Variants in TEX2 observed in about 807,000 individuals in gnomAD.
The protein encoded by TEX2 is testis-expressed protein 2.
A neutral mutation model predicts 106.9 loss-of-function variants in TEX2; 53 were observed. The observed-to-expected ratio is 0.50, with a 90% CI of 0.40 to 0.62. The LOEUF is 0.62. Ranked by LOEUF, TEX2 falls within the 20% of genes least tolerant of loss-of-function variation. The pLI is 0.00. For missense variants in TEX2, 1,207 were observed against 1,379.0 expected (o/e 0.88, Z 1.98); for synonymous variants, 523 against 534.8 (o/e 0.98, Z 0.30).
chr17:64,179,404 C>T (rs573441653), intron 5 of TEX2, among the ~76,000 whole-genome samples: 4 of 152,314 alleles, frequency 2.6e-5, no homozygotes, highest in African/African-American at 9.6e-5. Context: ...GGAATAAAAG[C>T]TGGCCACCCT....
rs528164802 is a variant in TEX2, at chr17:64,153,363, CT to C, written c.2931-210del. Among the ~76,000 whole-genome samples, 206 of 136,090 alleles carry C rather than the reference CT, an allele frequency of 1.5e-3. No individual in the cohort carries two copies. The highest frequency in any genetic ancestry group is 5.4e-3 in the African/African-American group (198 of 36,980). 89.3% of individuals were successfully genotyped at this position (136,090 alleles called of 152,430 possible). Reference sequence around the variant, plus strand: ...CTACCAGATGCCAATAGCACTCCCCCTAGTTATGACAATAAAAAATGTTGCC... The same window carrying C: ...CTACCAGATGCCAATAGCACTCCCCCAGTTATGACAATAAAAAATGTTGCC... On this transcript the variant is annotated intron_variant, in intron 9 of 11. Coordinates refer to ENST00000584379, the MANE Select transcript of TEX2 (RefSeq NM_001288732.2). The surrounding 1 kb of genome is among the most constrained non-coding windows in gnomAD (Gnocchi z 4.1).
At chr17:64,184,993 G>A (rs184588861) in intron 5 of TEX2, among the ~76,000 whole-genome samples, 1 of 152,098 alleles carries the variant, frequency 6.6e-6, no homozygotes, top group South Asian at 2.1e-4. Context: ...TACTTTGTGG[G>A]GGTAGCAAGG....
chr17:64,175,067 C>T (rs1162228454), intron 6 of TEX2, among the ~76,000 whole-genome samples: 1 of 152,198 alleles, frequency 6.6e-6, no homozygotes, highest in East Asian at 1.9e-4. Context: ...CCCATTTTGG[C>T]TCTTGACTGG....
chr17:64,228,901 C>T (rs993719295), intron 1 of TEX2, among the ~76,000 whole-genome samples: 1 of 150,694 alleles, frequency 6.6e-6, no homozygotes, highest in African/African-American at 2.4e-5. Context: ...GGACCACCTC[C>T]TATGGCCTAT....
At chr17:64,166,879 T>C (rs772050847) in intron 7 of TEX2, among the ~76,000 whole-genome samples, 11 of 151,938 alleles carry the variant, frequency 7.2e-5, no homozygotes, top group Non-Finnish European at 1.3e-4. Context: ...GAGGGCTGGG[T>C]AGAGGAGGCC....
chr17:64,211,408 A>G (rs1555631532), intron 2 of TEX2, among the ~76,000 whole-genome samples: 1 of 152,166 alleles, frequency 6.6e-6, no homozygotes, highest in Non-Finnish European at 1.5e-5. Flanking sequence ...TGGTCTCTAA[A>G]CTTTTCTGGC....
chr17:64,213,443 C>A lies in TEX2; in HGVS notation c.775G>T (p.Asp259Tyr). 1 of 1,614,186 alleles carries A rather than the reference C, an allele frequency of 6.2e-7. No individual in the cohort carries two copies. The highest frequency in any genetic ancestry group is 8.5e-7 in the Non-Finnish European group (1 of 1,180,046). ...QFTQPRNTGG[D>Y]SKTAPSSPLT... ...GGGGAAGAAGGTGCAGTTTTGGAAT[C>A]TCCACCTGTGTTTCGGGGCTGTGTG... The change falls in exon 2 of 12, where the codon GAT becomes TAT. Residue 259 changes from aspartate to tyrosine, a missense_variant. Asp to Tyr is a radical substitution (Grantham distance 160). Transcript: ENST00000584379. The surrounding 1 kb of genome is among the most constrained non-coding windows in gnomAD (Gnocchi z 4.4).
rs782172907 is a variant in TEX2, at chr17:64,212,835, C to G, written c.1383G>C (p.Glu461Asp). Residue 461 changes from glutamate to aspartate, a missense_variant, in exon 2 of 12, where the codon GAG becomes GAC. Glu to Asp is a conservative substitution (Grantham distance 45). Transcript: ENST00000584379. ...EDGVVLDSEDEVDSAVQHPEL... is the reference protein window; with the variant it reads ...EDGVVLDSEDDVDSAVQHPEL... ...CCGGGTGCTGCACGGCCGAGTCCAC[C>G]TCGTCCTCACTGTCAAGGACCACAC... The G allele has an allele frequency of 2.4e-5, 39 of 1,613,966 alleles. No homozygotes were observed. Among genetic ancestry groups the G allele is most frequent in the Non-Finnish European group, 3.1e-5 (37 of 1,180,048 alleles).
chr17:64,180,283 C>T (rs2031802046), intron 5 of TEX2, among the ~76,000 whole-genome samples: 1 of 152,210 alleles, frequency 6.6e-6, no homozygotes, highest in Non-Finnish European at 1.5e-5. Flanking sequence ...TTCTTTACAA[C>T]CCTAGTTACT....
intron 2 of TEX2, among the ~76,000 whole-genome samples, chr17:64,210,633 G>GTTTTTTTTTTTTTT (rs1598182744): frequency 4.5e-5 from 3 of 66,330 alleles, no homozygotes; most frequent in Admixed American, 2.0e-4. Flanking sequence ...CCAACCCCCA[G>GTTTTTTTTTTTTTT]CTTTTTTTTT....
At chr17:64,158,950 T>C (rs1198178852) in intron 8 of TEX2, among the ~76,000 whole-genome samples, 2 of 152,184 alleles carry the variant, frequency 1.3e-5, no homozygotes, top group African/African-American at 4.8e-5. Context: ...CAGACTGTTC[T>C]AGAAAAAAAT....
intron 7 of TEX2, among the ~76,000 whole-genome samples, chr17:64,170,140 AC>A (rs1489470255): frequency 7.2e-5 from 11 of 152,032 alleles, no homozygotes; most frequent in Admixed American, 7.2e-4. Context: ...CAACTCTTTA[AC>A]CCCCCACCCA....
In TEX2 at chr17:64,188,367, G is replaced by A. The variant is rs780677398; in HGVS notation, c.2225C>T (p.Thr742Ile). 4.3e-6 allele frequency: 7 copies of A among 1,614,084 alleles called. No individual in the cohort carries two copies. Among genetic ancestry groups the A allele is most frequent in the Non-Finnish European group, 5.9e-6 (7 of 1,180,048 alleles). ...GCCTTTGCTGCTGCTGCGGCTGTGGGTCAGGTGCCCGGACGGACTGTTGTG... is the reference window on the plus strand; with the variant it reads ...GCCTTTGCTGCTGCTGCGGCTGTGGATCAGGTGCCCGGACGGACTGTTGTG... The part of the protein sequence containing the change: ...SRHNSPSGHL[T>I]HSRSSSKGSV... The change falls in exon 5 of 12, where the codon ACC becomes ATC. Residue 742 changes from threonine to isoleucine, a missense_variant. Thr to Ile is a moderately conservative substitution (Grantham distance 89, BLOSUM62 -1). Coordinates refer to ENST00000584379, the MANE Select transcript of TEX2 (RefSeq NM_001288732.2).
rs2032035510 is a variant in TEX2 at position 64,185,387 on chromosome 17, C to T, written c.2424+2781G>A. Among the ~76,000 whole-genome samples the T allele has an allele frequency of 6.6e-6, 1 of 152,114 alleles. No individual in the cohort carries two copies. Among genetic ancestry groups the T allele is most frequent in the Non-Finnish European group, 1.5e-5 (1 of 68,028 alleles). ...CACCCCTGAGCAAATCTGCAGCTGACCTGTGGAGTCTCTCTTCCTGATGTA... is the reference window on the plus strand; with the variant it reads ...CACCCCTGAGCAAATCTGCAGCTGATCTGTGGAGTCTCTCTTCCTGATGTA... On this transcript the variant is annotated intron_variant, in intron 5 of 11. Transcript: ENST00000584379. The surrounding 1 kb of genome is among the most constrained non-coding windows in gnomAD (Gnocchi z 4.0).
At position 64,214,222 on chromosome 17, in the gene TEX2, G is replaced by A. The variant is rs369057650; in HGVS notation, c.-5C>T. The A allele has an allele frequency of 1.1e-4, 171 of 1,608,458 alleles. No homozygotes were observed. The highest frequency in any genetic ancestry group is 8.3e-4 in the Middle Eastern group (5 of 6,056). ...GCGACCATACAGACTTGTCATTGCCGGCTTCACAAGGGCTCAGGCTCTGTG... is the reference window on the plus strand; with the variant it reads ...GCGACCATACAGACTTGTCATTGCCAGCTTCACAAGGGCTCAGGCTCTGTG... On this transcript the variant is annotated 5_prime_UTR_variant, in exon 2 of 12. Coordinates refer to ENST00000584379, the MANE Select transcript of TEX2 (RefSeq NM_001288732.2).
intron 1 of TEX2, among the ~76,000 whole-genome samples, chr17:64,237,543 T>C (rs1328441686): frequency 6.6e-6 from 1 of 152,080 alleles, no homozygotes; most frequent in Non-Finnish European, 1.5e-5. Flanking sequence ...AACAACATTT[T>C]AAGTGAGAGA....
intron 1 of TEX2, among the ~76,000 whole-genome samples, chr17:64,216,170 G>A (rs1458500276): frequency 1.3e-5 from 2 of 152,214 alleles, no homozygotes; most frequent in African/African-American, 4.8e-5. Flanking sequence ...GGAACTGGCA[G>A]CAGCCAGAAA....
chr17:64,176,867 A>C (rs1450729819), intron 6 of TEX2, among the ~76,000 whole-genome samples: 1 of 152,204 alleles, frequency 6.6e-6, no homozygotes, highest in Non-Finnish European at 1.5e-5. Context: ...AGAGGCCTTA[A>C]GTAGTCTAGC....
intron 7 of TEX2, among the ~76,000 whole-genome samples, chr17:64,164,823 G>A (rs1025445923): frequency 6.6e-6 from 1 of 152,232 alleles, no homozygotes; most frequent in African/African-American, 2.4e-5. Context: ...ACAACCACAA[G>A]AGGCTCTTCT....
Sources: allele counts gnomAD v4.1 joint callset (sites outside exome capture counted in the v4.1 genomes callset), GRCh38; gene constraint gnomAD v4.1.1; non-coding constraint Gnocchi (gnomAD v3.1); transcripts MANE v1.5; gene names NCBI Gene and HGNC (gene_info 2026-07-23, HGNC 2026-07-21).